Variants in RHOU observed in about 807,000 individuals in gnomAD.
RHOU encodes the protein ras homolog family member U, also known as rho-related GTP-binding protein RhoU.
Under a neutral mutation model 12.6 loss-of-function variants are expected in RHOU, and 8 were observed. That is an observed-to-expected ratio of 0.64 (90% confidence interval 0.37 to 1.15). The LOEUF (loss-of-function observed/expected upper bound fraction) is 1.15, where lower values mean the gene tolerates loss of function less well. Among genes scored for constraint, RHOU ranks in the 50% most tolerant of loss-of-function variants. The pLI is 0.01. For synonymous variants in RHOU, 161 were observed against 147.4 expected (o/e 1.09, Z -0.67); for missense variants, 258 against 347.0 (o/e 0.74, Z 2.04).
chr1:228,743,824 G>A lies in RHOU; in HGVS notation c.*84G>A, dbSNP rs560627600. On this transcript the variant is annotated 3_prime_UTR_variant, in exon 3 of 3. Transcript: ENST00000366691. The surrounding 1 kb of genome is among the most constrained non-coding windows in gnomAD (Gnocchi z 5.1). ...TAGCTGAAACAACTCCTTTTACTGC[G>A]TAGAACCTATATCGAGAGTGTGTGT... is the stretch of plus-strand genomic sequence containing the variant. 153 of 1,159,116 alleles carry A rather than the reference G, an allele frequency of 1.3e-4. 1 individual carries two copies. The South Asian group carries it at 1.9e-3, about 14-fold the overall frequency. The allele number at this position is 1,159,116 out of a possible 1,614,324, so 71.8% of individuals were successfully genotyped here. A position where few individuals can be genotyped will look rare whatever the true frequency, so the allele number is the denominator to read the frequency against.
At chr1:228,669,020 C>T in the RHOU span, among the ~76,000 whole-genome samples, 2 of 152,158 alleles carry the variant, frequency 1.3e-5, no homozygotes, top group Admixed American at 6.5e-5. Flanking sequence ...GAGATTCCCC[C>T]GATGTAGGAA....
the RHOU span, among the ~76,000 whole-genome samples, chr1:228,712,836 AT>A: frequency 2.5e-3 from 221 of 88,892 alleles, no homozygotes; most frequent in African/African-American, 0.013. Context: ...AATAAATAAA[AT>A]AAAATAAAAT....
chr1:228,707,218 C>CATATGT, the RHOU span, among the ~76,000 whole-genome samples: 22 of 53,412 alleles, frequency 4.1e-4, 1 homozygote, highest in African/African-American at 1.7e-3. Context: ...TATATATATA[C>CATATGT]ATATATATAT....
chr1:228,707,411 T>C, the RHOU span, among the ~76,000 whole-genome samples: 1 of 150,350 alleles, frequency 6.7e-6, no homozygotes, highest in Middle Eastern at 3.4e-3. Flanking sequence ...TGCATTTCCA[T>C]CTGAGCTTTG....
chr1:228,685,851 C>T, the RHOU span, among the ~76,000 whole-genome samples: 2 of 152,198 alleles, frequency 1.3e-5, no homozygotes, highest in Non-Finnish European at 2.9e-5. Context: ...ACTCCTTTCT[C>T]TTCAAGAGTT....
chr1:228,691,633 T>C, the RHOU span, among the ~76,000 whole-genome samples: 1 of 152,226 alleles, frequency 6.6e-6, no homozygotes, highest in East Asian at 1.9e-4. Context: ...ACAGTTTACT[T>C]ATCCATTCAC....
the RHOU span, among the ~76,000 whole-genome samples, chr1:228,708,810 A>G: frequency 9.2e-5 from 14 of 152,176 alleles, no homozygotes; most frequent in African/African-American, 3.4e-4. Context: ...ACATAACAAT[A>G]TTAACTTTAA....
At chr1:228,653,388 C>T in the RHOU span, among the ~76,000 whole-genome samples, 4 of 152,202 alleles carry the variant, frequency 2.6e-5, no homozygotes, top group South Asian at 2.1e-4. Context: ...GGTGCCATCT[C>T]GGCTCACTGC....
chr1:228,739,452 T>C (rs1402058280), intron 2 of RHOU, among the ~76,000 whole-genome samples: 1 of 152,112 alleles, frequency 6.6e-6, no homozygotes, highest in African/African-American at 2.4e-5. Context: ...TAATAGCAGC[T>C]ACTCAGGAGC....
the RHOU span, among the ~76,000 whole-genome samples, chr1:228,680,725 G>T: frequency 6.6e-6 from 1 of 152,184 alleles, no homozygotes; most frequent in Non-Finnish European, 1.5e-5. Flanking sequence ...GGGCGGTAAA[G>T]CATCTAAGGA....
At chr1:228,653,958 T>C in the RHOU span, among the ~76,000 whole-genome samples, 400 of 152,342 alleles carry the variant, frequency 2.6e-3, 4 homozygotes, top group African/African-American at 8.9e-3. Context: ...CACCTGTTGC[T>C]AGAATATAGC....
the RHOU span, chr1:228,651,403 A>T: frequency 6.4e-6 from 1 of 155,246 alleles, no homozygotes; most frequent in Non-Finnish European, 1.5e-5. Context: ...GAACAAGCCC[A>T]GCCCCAAGAG....
chr1:228,701,072 G>C, the RHOU span, among the ~76,000 whole-genome samples: 1 of 152,184 alleles, frequency 6.6e-6, no homozygotes, highest in African/African-American at 2.4e-5. Context: ...CTGGGCAACA[G>C]AGTGAGAGCC....
the RHOU span, among the ~76,000 whole-genome samples, chr1:228,668,974 G>A: frequency 3.3e-5 from 5 of 152,214 alleles, no homozygotes; most frequent in African/African-American, 9.6e-5. Context: ...ATGGTGGCCT[G>A]AATGAAAAGG....
At chr1:228,692,070 T>A in the RHOU span, among the ~76,000 whole-genome samples, 1 of 152,214 alleles carries the variant, frequency 6.6e-6, no homozygotes, top group African/African-American at 2.4e-5. Flanking sequence ...GCTGTAATTA[T>A]GTACGAAGTA....
the RHOU span, among the ~76,000 whole-genome samples, chr1:228,726,908 GTCT>G: frequency 6.6e-6 from 1 of 152,188 alleles, no homozygotes; most frequent in Non-Finnish European, 1.5e-5. Flanking sequence ...TTGTGCTAAA[GTCT>G]TCTCACCTGG....
chr1:228,724,381 T>C, the RHOU span, among the ~76,000 whole-genome samples: 3 of 152,254 alleles, frequency 2.0e-5, no homozygotes, highest in Non-Finnish European at 4.4e-5. Context: ...TAATGTACAA[T>C]GCAATGGCTT....
the RHOU span, among the ~76,000 whole-genome samples, chr1:228,676,921 C>T: frequency 6.6e-6 from 1 of 152,182 alleles, no homozygotes; most frequent in Admixed American, 6.5e-5. Flanking sequence ...TCAGTTGCTT[C>T]AGGCCATCTG....
At chr1:228,710,316 C>T in the RHOU span, among the ~76,000 whole-genome samples, 1 of 152,136 alleles carries the variant, frequency 6.6e-6, no homozygotes, top group East Asian at 1.9e-4. Context: ...TTTATGAGGC[C>T]AGCATCATCC....
Sources: gnomAD v4.1 joint callset for allele counts (sites outside exome capture counted in the v4.1 genomes callset) on GRCh38, gnomAD v4.1.1 for gene constraint, Gnocchi (gnomAD v3.1) non-coding constraint, MANE v1.5 for transcripts, NCBI Gene and HGNC (gene_info 2026-07-23, HGNC 2026-07-21) for gene names.